Variants in SLC9A9 observed in about 807,000 individuals in gnomAD.
The protein encoded by SLC9A9 is solute carrier family 9 member A9, also known as sodium/hydrogen exchanger 9.
SLC9A9 carries 62 observed loss-of-function variants against 77.8 expected under a neutral mutation model. The ratio of observed to expected loss-of-function variants is 0.80; its 90% confidence interval spans 0.65 to 0.98. The LOEUF (loss-of-function observed/expected upper bound fraction) is 0.98. SLC9A9 is among the 50% of genes least tolerant of loss of function. The probability of loss-of-function intolerance (pLI) is 0.00; values close to 1 mark genes in which losing one functional copy is unlikely to be tolerated. For missense variants in SLC9A9, 775 were observed against 774.9 expected (o/e 1.00, Z 0.00); for synonymous variants, 320 against 283.5 (o/e 1.13, Z -1.29).
At chr3:143,323,840 A>G (rs1432531388) in intron 14 of SLC9A9, among the ~76,000 whole-genome samples, 1 of 152,208 alleles carries the variant, frequency 6.6e-6, no homozygotes, top group Non-Finnish European at 1.5e-5. Context: ...CTCAACATAC[A>G]GCTCCATTTA....
At chr3:143,622,683 G>A (rs1217811471) in intron 6 of SLC9A9, among the ~76,000 whole-genome samples, 1 of 152,124 alleles carries the variant, frequency 6.6e-6, no homozygotes, top group Non-Finnish European at 1.5e-5. Flanking sequence ...AAAGACCATC[G>A]ATGCTAGGAA....
intron 14 of SLC9A9, chr3:143,343,487 G>C (rs935510245): frequency 6.6e-6 from 1 of 152,092 alleles, no homozygotes; most frequent in African/African-American, 2.4e-5. Flanking sequence ...AAAATCAACG[G>C]CATGGTTTCC....
At chr3:143,647,220 C>T (rs1471711160) in intron 6 of SLC9A9, among the ~76,000 whole-genome samples, 2 of 152,072 alleles carry the variant, frequency 1.3e-5, no homozygotes, top group African/African-American at 4.8e-5. Context: ...GAGTAACTTG[C>T]CCAAGGTAAC....
At chr3:143,495,815 T>C (rs1354651293) in intron 9 of SLC9A9, among the ~76,000 whole-genome samples, 1 of 152,216 alleles carries the variant, frequency 6.6e-6, no homozygotes, top group African/African-American at 2.4e-5. Context: ...CAAAGATTGT[T>C]TAACCTCTGT....
chr3:143,333,015 C>T (rs888771966), intron 14 of SLC9A9, among the ~76,000 whole-genome samples: 4 of 152,220 alleles, frequency 2.6e-5, no homozygotes, highest in Non-Finnish European at 5.9e-5. Flanking sequence ...CCAACTACAA[C>T]TGCCAATACA....
At chr3:143,618,317 A>G (rs1340586052) in intron 6 of SLC9A9, among the ~76,000 whole-genome samples, 2 of 152,178 alleles carry the variant, frequency 1.3e-5, no homozygotes, top group African/African-American at 4.8e-5. Context: ...CAGAAGTTGG[A>G]GGAGTATAGA....
chr3:143,423,213 A>G (rs6777206), intron 12 of SLC9A9, among the ~76,000 whole-genome samples: 68,113 of 146,772 alleles, frequency 0.46, 15,718 homozygotes, highest in South Asian at 0.49. Context: ...CCTCACACAC[A>G]CGTACACACA....
chr3:143,713,944 C>T (rs1483432005), intron 4 of SLC9A9, among the ~76,000 whole-genome samples: 2 of 152,190 alleles, frequency 1.3e-5, no homozygotes, highest in South Asian at 2.1e-4. Flanking sequence ...AAAAGGTTGA[C>T]AGCACTCAAA....
At chr3:143,320,881 G>C (rs1040650353) in intron 14 of SLC9A9, among the ~76,000 whole-genome samples, 1 of 152,110 alleles carries the variant, frequency 6.6e-6, no homozygotes, top group African/African-American at 2.4e-5. Flanking sequence ...AATATAACTG[G>C]GGCCTTTAAA....
chr3:143,358,019 T>C (rs990142426), intron 14 of SLC9A9, among the ~76,000 whole-genome samples: 2 of 117,202 alleles, frequency 1.7e-5, no homozygotes, highest in Non-Finnish European at 3.3e-5. Flanking sequence ...GGAAGGTTTT[T>C]CTTTCCTTTT....
intron 8 of SLC9A9, among the ~76,000 whole-genome samples, chr3:143,572,575 G>A (rs1415155765): frequency 6.6e-6 from 1 of 152,126 alleles, no homozygotes; most frequent in Non-Finnish European, 1.5e-5. Context: ...CTTCTGAAAT[G>A]CATAAGCTTT....
chr3:143,428,937 G>A (rs1249941816), intron 12 of SLC9A9, among the ~76,000 whole-genome samples: 1 of 152,202 alleles, frequency 6.6e-6, no homozygotes, highest in Admixed American at 6.5e-5. Context: ...ATCAGGAGGA[G>A]AGGCTGGTCA....
chr3:143,427,881 C>T (rs890804237), intron 12 of SLC9A9, among the ~76,000 whole-genome samples: 2 of 152,176 alleles, frequency 1.3e-5, no homozygotes, highest in Non-Finnish European at 1.5e-5. Flanking sequence ...ACTACCCCTC[C>T]CCCATGCAGA....
At chr3:143,472,708 C>T (rs1001400422) in intron 11 of SLC9A9, among the ~76,000 whole-genome samples, 3 of 152,170 alleles carry the variant, frequency 2.0e-5, no homozygotes, top group African/African-American at 4.8e-5. Flanking sequence ...CACTCAATAA[C>T]GATTTGTCCA....
At chr3:143,557,536 G>T (rs1262404952) in intron 8 of SLC9A9, among the ~76,000 whole-genome samples, 1 of 152,158 alleles carries the variant, frequency 6.6e-6, no homozygotes, top group African/African-American at 2.4e-5. Flanking sequence ...CAGAAGACAG[G>T]AAGATATGGG....
intron 6 of SLC9A9, among the ~76,000 whole-genome samples, chr3:143,623,002 C>T (rs1286047467): frequency 6.6e-6 from 1 of 151,992 alleles, no homozygotes; most frequent in Non-Finnish European, 1.5e-5. Context: ...CAACAAAGAC[C>T]AAAAGAGACA....
At chr3:143,633,815 T>G (rs1351579225) in intron 6 of SLC9A9, among the ~76,000 whole-genome samples, 1 of 152,228 alleles carries the variant, frequency 6.6e-6, no homozygotes, top group Admixed American at 6.5e-5. Flanking sequence ...AATTCTAAAA[T>G]ATGCTTCCAA....
chr3:143,437,775 C>T (rs925502862), intron 12 of SLC9A9, among the ~76,000 whole-genome samples: 13 of 152,158 alleles, frequency 8.5e-5, no homozygotes, highest in African/African-American at 1.7e-4. Context: ...ACATCTATTT[C>T]GTTCAGAGAA....
intron 6 of SLC9A9, among the ~76,000 whole-genome samples, chr3:143,642,895 C>T (rs920016997): frequency 6.6e-6 from 1 of 152,018 alleles, no homozygotes; most frequent in Non-Finnish European, 1.5e-5. Context: ...TTATACCATT[C>T]TTTTCTAATT....
Sources: gnomAD v4.1 joint callset for allele counts (sites outside exome capture counted in the v4.1 genomes callset) on GRCh38, gnomAD v4.1.1 for gene constraint, MANE v1.5 for transcripts, NCBI Gene and HGNC (gene_info 2026-07-23, HGNC 2026-07-21) for gene names.